Variants in PIK3R3 observed in about 807,000 individuals in gnomAD.
PIK3R3 encodes the protein phosphoinositide-3-kinase regulatory subunit 3, also known as phosphatidylinositol 3-kinase regulatory subunit gamma.
A neutral mutation model predicts 62.9 loss-of-function variants in PIK3R3; 64 were observed. The ratio of observed to expected loss-of-function variants is 1.02; its 90% CI spans 0.83 to 1.25. PIK3R3 has a LOEUF of 1.25. PIK3R3 is among the 50% of genes most tolerant of loss of function. The pLI is 0.00. For synonymous variants in PIK3R3, 165 were observed against 189.0 expected, an observed-to-expected ratio of 0.87 and a Z score of 1.04; for missense variants, 614 against 561.6, an observed-to-expected ratio of 1.09 and a Z score of -0.94.
intron 3 of PIK3R3, among the ~76,000 whole-genome samples, 181 bp from the exon 4 acceptor site, chr1:46,067,272 ATATAT>A (rs1649097863): frequency 6.8e-6 from 1 of 147,510 alleles, no homozygotes; most frequent in East Asian, 2.0e-4. Flanking sequence ...ATATATATAT[ATATAT>A]AATTCATTTT....
rs142566754 is a variant in PIK3R3 at position 46,044,684 on chromosome 1, G to A, written c.1188-813C>T. On this transcript the variant is annotated intron_variant, in intron 9 of 9. Transcript: ENST00000262741. This position sits in a 1 kb window ranked among gnomAD's most constrained non-coding sequence, Gnocchi z 4.2. Reference sequence around the variant, plus strand: ...CATAAGACATCCCATTCATCTTTTTGAGGTCCATCTCAGATACCTTTTCCA... The same window carrying A: ...CATAAGACATCCCATTCATCTTTTTAAGGTCCATCTCAGATACCTTTTCCA... 6.8e-4 allele frequency among the ~76,000 whole-genome samples: 104 copies of A among 152,172 alleles called. No homozygotes were observed. The highest frequency in any genetic ancestry group is 2.4e-3 in the African/African-American group (101 of 41,512).
At chr1:46,143,430 A>G in the PIK3R3 span, among the ~76,000 whole-genome samples, 1 of 81,734 alleles carries the variant, frequency 1.2e-5, no homozygotes, top group Non-Finnish European at 2.4e-5. Context: ...TGGTGTATCC[A>G]TTAGGTTTGA....
intron 1 of PIK3R3, among the ~76,000 whole-genome samples, chr1:46,129,632 A>G (rs934765093): frequency 3.3e-5 from 5 of 152,162 alleles, no homozygotes; most frequent in Admixed American, 3.3e-4. Flanking sequence ...GGTGGGAGCT[A>G]GGAAAAACCT....
At chr1:46,068,341 C>A (rs575851476) in intron 3 of PIK3R3, among the ~76,000 whole-genome samples, 1 of 152,262 alleles carries the variant, frequency 6.6e-6, no homozygotes, top group South Asian at 2.1e-4. Context: ...TTACACAATG[C>A]ACTACAGATA....
the PIK3R3 span, among the ~76,000 whole-genome samples, chr1:46,147,630 G>A: frequency 1.3e-5 from 2 of 149,378 alleles, no homozygotes; most frequent in African/African-American, 5.1e-5. Flanking sequence ...TGTGTTAGCC[G>A]GGACGGTCTC....
intron 1 of PIK3R3, among the ~76,000 whole-genome samples, chr1:46,114,802 A>G (rs1158267233): frequency 7.4e-6 from 1 of 134,486 alleles, no homozygotes; most frequent in Non-Finnish European, 1.5e-5. Flanking sequence ...TTTGGTAGAG[A>G]CAGAGTTTCA....
At chr1:46,139,347 C>T in the PIK3R3 span, among the ~76,000 whole-genome samples, 17 of 151,856 alleles carry the variant, frequency 1.1e-4, no homozygotes, top group Admixed American at 2.0e-4. Flanking sequence ...CTCTTGCTGC[C>T]CAGGCTGGAG....
upstream of PIK3R3, among the ~76,000 whole-genome samples, chr1:46,133,291 C>T (rs543119537): frequency 6.6e-6 from 1 of 152,254 alleles, no homozygotes; most frequent in Non-Finnish European, 1.5e-5. Flanking sequence ...GGGGCTCAAA[C>T]TGCCTGGAGA....
At chr1:46,151,057 C>T in the PIK3R3 span, among the ~76,000 whole-genome samples, 1 of 152,096 alleles carries the variant, frequency 6.6e-6, no homozygotes, top group Admixed American at 6.6e-5. Flanking sequence ...GTGATCCACC[C>T]TCCTTGGCCT....
intron 5 of PIK3R3, 127 bp downstream of exon 5, chr1:46,065,927 G>T: frequency 1.3e-6 from 1 of 779,004 alleles, no homozygotes; most frequent in Non-Finnish European, 2.2e-6. Context: ...TATCATTAAA[G>T]TTTCAAAAAG....
intron 1 of PIK3R3, among the ~76,000 whole-genome samples, chr1:46,112,384 C>A (rs952972055): frequency 6.6e-6 from 1 of 152,070 alleles, no homozygotes; most frequent in Non-Finnish European, 1.5e-5. Flanking sequence ...TTTTTAGTAG[C>A]AAATATTGGA....
intron 1 of PIK3R3, among the ~76,000 whole-genome samples, chr1:46,123,795 C>A (rs1057301873): frequency 6.6e-6 from 1 of 152,110 alleles, no homozygotes; most frequent in African/African-American, 2.4e-5. Flanking sequence ...TAAAAGAATA[C>A]ATATAAAAGC....
Position 46,095,486 on chromosome 1 carries a change from A to C in PIK3R3, c.107-14736T>G, listed in dbSNP as rs1652030655. Among the ~76,000 whole-genome samples, 3 of 152,272 alleles carry C rather than the reference A, an allele frequency of 2.0e-5. No homozygotes were observed. In the South Asian group the frequency reaches 6.2e-4, roughly 32 times the overall value. ...CACATGGACAACATGGCAGGGAACA[A>C]CACACTCTGGGGCCTGTCGCGGGGT... On this transcript the variant is annotated intron_variant, in intron 1 of 9. Transcript: ENST00000262741.
At chr1:46,157,340 C>T in the PIK3R3 span, among the ~76,000 whole-genome samples, 1 of 152,020 alleles carries the variant, frequency 6.6e-6, no homozygotes, top group South Asian at 2.1e-4. Flanking sequence ...GCCATGTTGC[C>T]CAGGGTGGTC....
chr1:46,069,349 G>A (rs370583705), intron 3 of PIK3R3, among the ~76,000 whole-genome samples: 3 of 152,054 alleles, frequency 2.0e-5, no homozygotes, highest in Admixed American at 1.3e-4. Flanking sequence ...GTGAAACCCC[G>A]TCTCTACTAA....
chr1:46,077,624 G>A lies in PIK3R3; in HGVS notation c.216-11C>T. 1 of 1,545,312 alleles carries A rather than the reference G, an allele frequency of 6.5e-7. No homozygotes were observed. Among genetic ancestry groups the A allele is most frequent in the Non-Finnish European group, 8.9e-7 (1 of 1,117,990 alleles). ...TCATTTACCTCCTCCCTGAAGAACA[G>A]AATTATAAGAAAAATGAAAAAATGT... On this transcript the variant is annotated splice_polypyrimidine_tract_variant and intron_variant, in intron 2 of 9. Coordinates refer to ENST00000262741, the MANE Select transcript of PIK3R3 (RefSeq NM_003629.4).
the PIK3R3 span, among the ~76,000 whole-genome samples, chr1:46,146,686 T>TACACACACAC: frequency 9.9e-4 from 92 of 92,870 alleles, 1 homozygote; most frequent in Admixed American, 1.4e-3. Context: ...CCTCCAACTC[T>TACACACACAC]ACACACACAC....
At chr1:46,085,164 A>T (rs1650945668) in intron 1 of PIK3R3, among the ~76,000 whole-genome samples, 1 of 152,272 alleles carries the variant, frequency 6.6e-6, no homozygotes, top group African/African-American at 2.4e-5. Flanking sequence ...TGAAATTATT[A>T]TAAAGGCAGT....
At chr1:46,057,306 C>G (rs568270449) in intron 6 of PIK3R3, 1 of 152,474 alleles carries the variant, frequency 6.6e-6, no homozygotes, top group South Asian at 2.1e-4. Context: ...AAGCCTCTTC[C>G]TTTTGTAAAT....
Sources: allele counts gnomAD v4.1 joint callset (sites outside exome capture counted in the v4.1 genomes callset), GRCh38; gene constraint gnomAD v4.1.1; non-coding constraint Gnocchi (gnomAD v3.1); transcripts MANE v1.5; gene names NCBI Gene and HGNC (gene_info 2026-07-23, HGNC 2026-07-21).